Variants in AFG1L observed in about 807,000 individuals in gnomAD.
AFG1L encodes the protein AFG1 like ATPase.
Under a neutral mutation model 62.2 loss-of-function variants are expected in AFG1L, and 53 were observed. The ratio of observed to expected loss-of-function variants is 0.85; its 90% confidence interval spans 0.68 to 1.07. The LOEUF (loss-of-function observed/expected upper bound fraction) is 1.07. AFG1L is among the 50% of genes least tolerant of loss of function. The pLI, the probability that AFG1L is intolerant of heterozygous loss-of-function variation, is 0.00. For missense variants in AFG1L, 555 were observed against 590.5 expected (o/e 0.94, Z 0.62); for synonymous variants, 228 against 210.3 (o/e 1.08, Z -0.73).
intron 3 of AFG1L, among the ~76,000 whole-genome samples, chr6:108,353,157 T>A (rs1213481203): frequency 6.6e-6 from 1 of 150,792 alleles, no homozygotes; most frequent in Non-Finnish European, 1.5e-5. Context: ...TGTTTAATTT[T>A]TTTTTTTTTT....
At chr6:108,398,731 G>A (rs1442671126) in intron 6 of AFG1L, among the ~76,000 whole-genome samples, 3 of 151,928 alleles carry the variant, frequency 2.0e-5, no homozygotes, top group Non-Finnish European at 4.4e-5. Flanking sequence ...TGTATTCTTG[G>A]CACCTTTGTC....
chr6:108,362,041 G>A (rs1420140644), intron 5 of AFG1L, among the ~76,000 whole-genome samples: 2 of 152,152 alleles, frequency 1.3e-5, no homozygotes, highest in East Asian at 3.8e-4. Flanking sequence ...ATGAATGAAT[G>A]AATCTAATAC....
chr6:108,336,556 T>A (rs4142342), intron 2 of AFG1L, among the ~76,000 whole-genome samples: 107,660 of 152,102 alleles, frequency 0.71, 41,766 homozygotes, highest in Non-Finnish European at 0.88. Flanking sequence ...ATATTTGGAA[T>A]GATGGATGAC....
At chr6:108,302,166 T>G (rs556515) in intron 1 of AFG1L, among the ~76,000 whole-genome samples, 2 of 151,918 alleles carry the variant, frequency 1.3e-5, no homozygotes, top group African/African-American at 4.8e-5. Context: ...AGGCTGGTCT[T>G]GAACTCTTGC....
intron 6 of AFG1L, among the ~76,000 whole-genome samples, chr6:108,379,164 C>A (rs777185342): frequency 6.6e-6 from 1 of 152,030 alleles, no homozygotes; most frequent in South Asian, 2.1e-4. Context: ...GCACCCACTA[C>A]CATGCCTGGC....
Position 108,522,512 on chromosome 6 carries a change from C to T in AFG1L, c.*87C>T, listed in dbSNP as rs138735154. 7.0e-7 allele frequency: 1 copy of T among 1,429,280 alleles called. No individual in the cohort carries two copies. The allele number at this position is 1,429,280 out of a possible 1,614,324, so 88.5% of individuals were successfully genotyped here. ...GTGGGACTTGAAGGAATCATTTTCT[C>T]ATCATTAATTATGCACTTTGTCCTC... On this transcript the variant is annotated 3_prime_UTR_variant, in exon 13 of 13. Transcript: ENST00000368977.
rs372043507 is a variant in AFG1L at position 108,323,483 on chromosome 6, C to T, written c.140-342C>T. On this transcript the variant is annotated intron_variant, in intron 1 of 12. Transcript: ENST00000368977. ...GGTTCAAGCAATTCGTGCCTCAGCC[C>T]CCCAGGTAGCTGGGATTACAAGCAT... is the stretch of plus-strand genomic sequence containing the variant. 7.9e-5 allele frequency among the ~76,000 whole-genome samples: 12 copies of T among 152,144 alleles called. No individual in the cohort carries two copies. The South Asian group carries it at 2.5e-3, about 32-fold the overall frequency.
At chr6:108,467,801 A>G (rs1262961521) in intron 8 of AFG1L, among the ~76,000 whole-genome samples, 1 of 152,234 alleles carries the variant, frequency 6.6e-6, no homozygotes, top group Non-Finnish European at 1.5e-5. Context: ...TTGTTTGAAA[A>G]CACATAAAAT....
intron 6 of AFG1L, among the ~76,000 whole-genome samples, chr6:108,385,332 G>A (rs1265070226): frequency 1.3e-5 from 2 of 152,206 alleles, no homozygotes; most frequent in Non-Finnish European, 2.9e-5. Flanking sequence ...TGAGGGCAAG[G>A]AACACCTGGC....
At chr6:108,379,598 C>T (rs1042952714) in intron 6 of AFG1L, among the ~76,000 whole-genome samples, 2 of 152,166 alleles carry the variant, frequency 1.3e-5, no homozygotes, top group African/African-American at 4.8e-5. Context: ...TGCAGGTCCC[C>T]TGATGGTAGG....
intron 2 of AFG1L, among the ~76,000 whole-genome samples, chr6:108,327,904 G>A (rs898565117): frequency 4.6e-5 from 7 of 152,150 alleles, no homozygotes; most frequent in Non-Finnish European, 8.8e-5. Context: ...GTTAACCAGC[G>A]TAAAGATTGG....
chr6:108,519,879 T>G (rs1775056654), intron 12 of AFG1L, 69 bp downstream of exon 12: 1 of 936,192 alleles, frequency 1.1e-6, no homozygotes, highest in Non-Finnish European at 1.6e-6. Flanking sequence ...GATGCATGGC[T>G]ACATTTTGAA....
At chr6:108,393,350 C>T (rs1205008345) in intron 6 of AFG1L, among the ~76,000 whole-genome samples, 2 of 152,128 alleles carry the variant, frequency 1.3e-5, no homozygotes, top group East Asian at 1.9e-4. Flanking sequence ...CAATTTAATG[C>T]GTATGGTCCA....
At chr6:108,299,386 A>G (rs1469449595) in intron 1 of AFG1L, among the ~76,000 whole-genome samples, 1 of 152,216 alleles carries the variant, frequency 6.6e-6, no homozygotes, top group Non-Finnish European at 1.5e-5. Context: ...ATAAGTAAAA[A>G]GTAAAACAAT....
intron 10 of AFG1L, among the ~76,000 whole-genome samples, chr6:108,504,413 C>A (rs1233543835): frequency 6.6e-6 from 1 of 152,156 alleles, no homozygotes; most frequent in East Asian, 1.9e-4. Flanking sequence ...GATGGGGGAA[C>A]AGCCAGTGGT....
In AFG1L at chr6:108,522,485, T is replaced by C; in HGVS notation, c.*60T>C. 2.0e-6 allele frequency: 3 copies of C among 1,535,296 alleles called. No homozygotes were observed. The highest frequency in any genetic ancestry group is 1.8e-6 in the Non-Finnish European group (2 of 1,126,458). ...TGGTTAACGCAGGCAGAACTCCTTA[T>C]TGTGGGACTTGAAGGAATCATTTTC... is the stretch of plus-strand genomic sequence containing the variant. On this transcript the variant is annotated 3_prime_UTR_variant, in exon 13 of 13. Transcript: ENST00000368977.
intron 10 of AFG1L, among the ~76,000 whole-genome samples, chr6:108,500,273 TACAGGCA>T (rs1350089860): frequency 3.3e-5 from 5 of 151,434 alleles, no homozygotes; most frequent in African/African-American, 9.7e-5. Flanking sequence ...GTGCTGGGAC[TACAGGCA>T]TGAACCACCG....
chr6:108,364,342 C>T (rs1779666758), intron 5 of AFG1L, among the ~76,000 whole-genome samples: 1 of 152,212 alleles, frequency 6.6e-6, no homozygotes, highest in African/African-American at 2.4e-5. Flanking sequence ...TCTGATAGGG[C>T]AAAAACATTC....
intron 1 of AFG1L, among the ~76,000 whole-genome samples, chr6:108,316,380 CAAAAA>C (rs768461563): frequency 2.1e-4 from 4 of 18,842 alleles, no homozygotes; most frequent in South Asian, 2.3e-3. Context: ...GACTCCGTCT[CAAAAA>C]AAAAAAAAAA....
Sources: gnomAD v4.1 joint callset for allele counts (sites outside exome capture counted in the v4.1 genomes callset) on GRCh38, gnomAD v4.1.1 for gene constraint, MANE v1.5 for transcripts, NCBI Gene and HGNC (gene_info 2026-07-23, HGNC 2026-07-21) for gene names.